The following SEL1L3 variants were observed in gnomAD, a reference collection of about 807,000 sequenced individuals.
SEL1L3 encodes SEL1L family member 3, also known as protein sel-1 homolog 3.
SEL1L3 carries 76 observed loss-of-function variants against 142.8 expected under a neutral mutation model. The observed-to-expected ratio is 0.53, with a 90% CI of 0.44 to 0.64. The LOEUF is 0.64. Ranked by LOEUF, SEL1L3 falls within the 30% of genes least tolerant of loss-of-function variation. The pLI is 0.00. For missense variants in SEL1L3, 1,262 were observed against 1,381.7 expected, an observed-to-expected ratio of 0.91 and a Z score of 1.37; for synonymous variants, 504 against 519.6, an observed-to-expected ratio of 0.97 and a Z score of 0.41.
downstream of SEL1L3, among the ~76,000 whole-genome samples, chr4:25,743,310 G>A (rs1414985927): frequency 6.6e-6 from 1 of 152,172 alleles, no homozygotes; most frequent in Non-Finnish European, 1.5e-5. Context: ...TGCAACTTAT[G>A]GTCTAAGAAT....
intron 1 of SEL1L3, among the ~76,000 whole-genome samples, chr4:25,848,974 A>C (rs1260096680): frequency 6.6e-6 from 1 of 152,190 alleles, no homozygotes; most frequent in Non-Finnish European, 1.5e-5. Context: ...CCCTGTCTTT[A>C]CTAATAATAC....
At position 25,862,786 on chromosome 4, in the gene SEL1L3, T is replaced by TTGC. The variant is rs1370347220; in HGVS notation, c.48_50dup (p.Gln17dup). 2.6e-5 allele frequency: 31 copies of TTGC among 1,186,686 alleles called. No individual in the cohort carries two copies. The highest frequency in any genetic ancestry group is 8.1e-5 in the African/African-American group (5 of 61,924). 73.5% of individuals were successfully genotyped at this position (1,186,686 alleles called of 1,614,324 possible). A position where few individuals can be genotyped will look rare whatever the true frequency, so the allele number is the denominator to read the frequency against. ...GGGGGCCGACCGCGAGCGGCGGGGGTTGCTGCTGCTGCTGCCGCGGCCACC... is the reference window on the plus strand; with the variant it reads ...GGGGGCCGACCGCGAGCGGCGGGGGTTGCTGCTGCTGCTGCTGCCGCGGCCACC... On this transcript the variant is annotated inframe_insertion, in exon 1 of 24. Coordinates refer to ENST00000399878, the MANE Select transcript of SEL1L3 (RefSeq NM_015187.5).
At chr4:25,759,238 G>A in intron 20 of SEL1L3, 170 bp from the exon 21 acceptor site, 1 of 644,536 alleles carries the variant, frequency 1.6e-6, no homozygotes, top group East Asian at 2.9e-5. Flanking sequence ...ATATGCATCT[G>A]AGAAATTTAT....
intron 12 of SEL1L3, among the ~76,000 whole-genome samples, chr4:25,789,835 A>C (rs1403359122): frequency 6.6e-6 from 1 of 151,992 alleles, no homozygotes; most frequent in African/African-American, 2.4e-5. Context: ...AGTGAAATCA[A>C]AGCAGGGAAG....
intron 9 of SEL1L3, among the ~76,000 whole-genome samples, chr4:25,810,884 C>T (rs997119855): frequency 6.6e-6 from 1 of 152,226 alleles, no homozygotes; most frequent in African/African-American, 2.4e-5. Context: ...AGTAGCCCCG[C>T]CATGTTTAAT....
chr4:25,752,366 G>C (rs192722361), intron 23 of SEL1L3, among the ~76,000 whole-genome samples: 4 of 146,516 alleles, frequency 2.7e-5, no homozygotes, highest in African/African-American at 1.0e-4. Flanking sequence ...GCAGTGAGCC[G>C]AGATAGCGCC....
At chr4:25,735,400 T>C in the SEL1L3 span, among the ~76,000 whole-genome samples, 1 of 152,140 alleles carries the variant, frequency 6.6e-6, no homozygotes, top group Admixed American at 6.5e-5. Context: ...CTTTTTATTC[T>C]TGATATTGGG....
Position 25,819,947 on chromosome 4 carries a change from GA to G in SEL1L3, c.1291-8del. ...CAAGGAGGGGATTAAAAATCTACAA[GA>G]AGGCAAGAAAGTCAAATGAACAACA... On this transcript the variant is annotated splice_polypyrimidine_tract_variant and splice_region_variant and intron_variant, in intron 7 of 23. Coordinates refer to ENST00000399878, the MANE Select transcript of SEL1L3 (RefSeq NM_015187.5). 6.2e-7 allele frequency: 1 copy of G among 1,607,348 alleles called. No individual in the cohort carries two copies. Among genetic ancestry groups the G allele is most frequent in the East Asian group, 2.2e-5 (1 of 44,754 alleles).
chr4:25,737,896 T>G, the SEL1L3 span, among the ~76,000 whole-genome samples: 7 of 151,848 alleles, frequency 4.6e-5, no homozygotes, highest in African/African-American at 1.2e-4. Flanking sequence ...TTGCCTTTTT[T>G]TTTGTTTGTT....
At chr4:25,823,135 T>C (rs571071821) in intron 6 of SEL1L3, among the ~76,000 whole-genome samples, 2 of 152,260 alleles carry the variant, frequency 1.3e-5, no homozygotes, top group Admixed American at 6.5e-5. Flanking sequence ...ATGAAGTGCA[T>C]GAGGGTAGGC....
rs539511301 is a variant in SEL1L3, at chr4:25,753,244, C to T, written c.3259+4290G>A. 1.3e-4 allele frequency among the ~76,000 whole-genome samples: 20 copies of T among 152,306 alleles called. No individual in the cohort carries two copies. The East Asian group carries it at 2.7e-3, about 21-fold the overall frequency. ...GAAAATGAAGGTAGTTGGAGCTGAACGCAAAATGGATGGACAGCTCAACTG... is the reference window on the plus strand; with the variant it reads ...GAAAATGAAGGTAGTTGGAGCTGAATGCAAAATGGATGGACAGCTCAACTG... On this transcript the variant is annotated intron_variant, in intron 23 of 23. Transcript: ENST00000399878.
intron 11 of SEL1L3, among the ~76,000 whole-genome samples, chr4:25,795,614 T>C (rs1712680208): frequency 6.6e-6 from 1 of 152,186 alleles, no homozygotes; most frequent in African/African-American, 2.4e-5. Flanking sequence ...GTAAGCAGAA[T>C]GATCCTAGAG....
intron 6 of SEL1L3, among the ~76,000 whole-genome samples, chr4:25,826,677 T>C (rs922902519): frequency 6.6e-6 from 1 of 152,022 alleles, no homozygotes. Context: ...TTTGTTTTGT[T>C]TTTTGTTTTG....
chr4:25,838,245 C>T (rs1715957531), intron 2 of SEL1L3, among the ~76,000 whole-genome samples: 1 of 152,068 alleles, frequency 6.6e-6, no homozygotes, highest in African/African-American at 2.4e-5. Context: ...GCATGAAGAG[C>T]TTAGGTTAAA....
intron 23 of SEL1L3, chr4:25,756,030 C>T (rs1242034426): frequency 5.1e-6 from 5 of 985,294 alleles, no homozygotes; most frequent in Non-Finnish European, 6.0e-6. Flanking sequence ...TCAGGTAAAT[C>T]AGAGAGAAAT....
At chr4:25,858,972 G>A (rs1377203392) in intron 1 of SEL1L3, among the ~76,000 whole-genome samples, 1 of 152,222 alleles carries the variant, frequency 6.6e-6, no homozygotes, top group African/African-American at 2.4e-5. Context: ...TCAACTGACA[G>A]CTGACATCAA....
rs759140991 is a variant in SEL1L3, at chr4:25,822,169, A to C, written c.1158-41T>G. On this transcript the variant is annotated intron_variant, in intron 6 of 23. Coordinates refer to ENST00000399878, the MANE Select transcript of SEL1L3 (RefSeq NM_015187.5). ...AAGGATTAAGAGAGCTCCATGCCGG[A>C]ACTAGATGATTTAAAAACAGTCTCT... The C allele has an allele frequency of 1.7e-5, 28 of 1,611,046 alleles. No individual in the cohort carries two copies. In the African/African-American group the frequency reaches 2.8e-4, roughly 16 times the overall value.
intron 11 of SEL1L3, among the ~76,000 whole-genome samples, chr4:25,795,324 A>C (rs1258423792): frequency 6.6e-6 from 1 of 152,204 alleles, no homozygotes; most frequent in East Asian, 1.9e-4. Context: ...AACTCATACT[A>C]AAGTGTAAAT....
At chr4:25,839,403 C>T (rs1716031307) in intron 2 of SEL1L3, among the ~76,000 whole-genome samples, 1 of 152,142 alleles carries the variant, frequency 6.6e-6, no homozygotes, top group Non-Finnish European at 1.5e-5. Flanking sequence ...CAGGGATGTT[C>T]AGTGAAGCCT....
Sources: gnomAD v4.1 joint callset for allele counts (sites outside exome capture counted in the v4.1 genomes callset) on GRCh38, gnomAD v4.1.1 for gene constraint, MANE v1.5 for transcripts, NCBI Gene and HGNC (gene_info 2026-07-23, HGNC 2026-07-21) for gene names.